The following TNFRSF19 variants were observed in gnomAD, a reference collection of about 807,000 sequenced individuals.
TNFRSF19 encodes tumor necrosis factor receptor superfamily member 19.
A neutral mutation model predicts 46.4 loss-of-function variants in TNFRSF19; 27 were observed. That is an observed-to-expected ratio of 0.58 (90% CI 0.43 to 0.80). The LOEUF (loss-of-function observed/expected upper bound fraction) is 0.80, where lower values mean the gene tolerates loss of function less well. Among genes scored for constraint, TNFRSF19 ranks in the 30% least tolerant of loss-of-function variants. TNFRSF19 has a pLI of 0.00. For missense variants in TNFRSF19, 511 were observed against 530.8 expected (o/e 0.96, Z 0.37); for synonymous variants, 204 against 205.0 (o/e 1.00, Z 0.04).
chr13:23,621,475 C>G (rs1268010627), intron 4 of TNFRSF19, among the ~76,000 whole-genome samples: 2 of 152,186 alleles, frequency 1.3e-5, no homozygotes, highest in Non-Finnish European at 1.5e-5. Flanking sequence ...CCTGACTTGA[C>G]TGTGACTCAC....
intron 4 of TNFRSF19, among the ~76,000 whole-genome samples, chr13:23,620,045 A>C (rs1222226549): frequency 6.6e-6 from 1 of 152,234 alleles, no homozygotes; most frequent in Admixed American, 6.5e-5. Flanking sequence ...GATGTTTCAC[A>C]ATTTATTTAT....
rs181304046 is a variant in TNFRSF19, at chr13:23,646,261, C to A, written c.446-12789C>A. On this transcript the variant is annotated intron_variant, in intron 5 of 9. Coordinates refer to ENST00000248484, the MANE Select transcript of TNFRSF19 (RefSeq NM_148957.4). ...CCCCCAATCACTTCCTATTAGCTTT[C>A]TTTTTAATTGTGGGAAAACATATAT... Among the ~76,000 whole-genome samples, 297 of 152,274 alleles carry A rather than the reference C, an allele frequency of 2.0e-3. 1 individual carries two copies. The highest frequency in any genetic ancestry group is 6.9e-3 in the African/African-American group (285 of 41,562).
In TNFRSF19 at chr13:23,621,311, C is replaced by T. The variant is rs551557885; in HGVS notation, c.359+5266C>T. ...CTCTTACTCTAATGATTAATCTTGT[C>T]ATTAGCATTTGTTCACCTTCAGATA... is the stretch of plus-strand genomic sequence containing the variant. On this transcript the variant is annotated intron_variant, in intron 4 of 9. Coordinates refer to ENST00000248484, the MANE Select transcript of TNFRSF19 (RefSeq NM_148957.4). Among the ~76,000 whole-genome samples, 305 of 152,308 alleles carry T rather than the reference C, an allele frequency of 2.0e-3. 9 individuals are homozygous for T. In the South Asian group the frequency reaches 0.056, roughly 28 times the overall value.
chr13:23,605,219 T>G (rs1026064415), intron 3 of TNFRSF19, among the ~76,000 whole-genome samples: 1 of 152,160 alleles, frequency 6.6e-6, no homozygotes, highest in Non-Finnish European at 1.5e-5. Context: ...ATCCTCCATA[T>G]AGTATGTCAT....
chr13:23,600,865 A>G (rs9553011), intron 3 of TNFRSF19, among the ~76,000 whole-genome samples: 38,110 of 152,008 alleles, frequency 0.25, 5,350 homozygotes, highest in African/African-American at 0.37. Context: ...CCTTCTACCC[A>G]GTGTATCATG....
chr13:23,590,382 T>A (rs1303149435), intron 2 of TNFRSF19, 130 bp downstream of exon 2: 3 of 501,504 alleles, frequency 6.0e-6, no homozygotes, highest in African/African-American at 4.1e-5. Flanking sequence ...TTGCTCAGGC[T>A]GGAGTGCAGT....
chr13:23,630,324 A>AG (rs1882277022), intron 5 of TNFRSF19, among the ~76,000 whole-genome samples: 1 of 146,966 alleles, frequency 6.8e-6, no homozygotes, highest in African/African-American at 2.5e-5. Flanking sequence ...AAAAAAAAAA[A>AG]GGGTAAAAAA....
chr13:23,668,904 G>A lies in TNFRSF19; in HGVS notation c.1052G>A (p.Ser351Asn). 6.2e-7 allele frequency: 1 copy of A among 1,614,254 alleles called. No homozygotes were observed. Among genetic ancestry groups the A allele is most frequent in the Non-Finnish European group, 8.5e-7 (1 of 1,180,048 alleles). ...AGCTCAACGTCTTTGGATTCAAATA[G>A]CAGTCAAGATTTGGTTGGTGGGGCT... is the stretch of plus-strand genomic sequence containing the variant. ...LESSTSLDSN[S>N]SQDLVGGAVP... Residue 351 changes from serine (S) to asparagine (N), a missense_variant, in exon 9 of 10, where the codon AGC (serine) becomes AAC (asparagine). Ser to Asn is a conservative substitution (Grantham distance 46). Around this residue, in one of 3 missense-constraint regions of TNFRSF19, gnomAD observed 376 missense variants for 372.7 expected, o/e 1.01. Transcript: ENST00000248484.
Position 23,668,337 on chromosome 13 carries a change from T to G in TNFRSF19, c.839+255T>G, listed in dbSNP as rs1951685040. ...TCTTATGTCTGTGATTTTTGACACC[T>G]CTGTCATCTGTAAGTAATTAACATG... On this transcript the variant is annotated intron_variant, in intron 8 of 9. Transcript: ENST00000248484. 2.0e-5 allele frequency among the ~76,000 whole-genome samples: 3 copies of G among 152,350 alleles called. No homozygotes were observed. In the South Asian group the frequency reaches 6.2e-4, roughly 32 times the overall value.
At chr13:23,654,635 C>G (rs1397022617) in intron 5 of TNFRSF19, among the ~76,000 whole-genome samples, 1 of 152,174 alleles carries the variant, frequency 6.6e-6, no homozygotes, top group African/African-American at 2.4e-5. Flanking sequence ...CAAACATGAG[C>G]TGTACTTTGG....
chr13:23,626,683 G>A (rs1882035180), intron 4 of TNFRSF19, 24 bp from the exon 5 acceptor site: 2 of 1,609,130 alleles, frequency 1.2e-6, no homozygotes, highest in African/African-American at 1.3e-5. Context: ...GAGTTAACAA[G>A]GAGTATTTTC....
chr13:23,588,962 C>A (rs943902838), intron 1 of TNFRSF19, among the ~76,000 whole-genome samples: 1 of 152,168 alleles, frequency 6.6e-6, no homozygotes, highest in Non-Finnish European at 1.5e-5. Context: ...CCGGGGCACC[C>A]GTCAGCTCAC....
chr13:23,613,630 A>G (rs1175423515), intron 3 of TNFRSF19, among the ~76,000 whole-genome samples: 1 of 152,180 alleles, frequency 6.6e-6, no homozygotes, highest in Non-Finnish European at 1.5e-5. Context: ...TGATTTTGAA[A>G]TACTCTGCTC....
intron 4 of TNFRSF19, among the ~76,000 whole-genome samples, chr13:23,619,963 T>A (rs1354291321): frequency 6.6e-6 from 1 of 152,248 alleles, no homozygotes; most frequent in Non-Finnish European, 1.5e-5. Context: ...TGCTCTAGTT[T>A]CTACAGTGTT....
intron 3 of TNFRSF19, among the ~76,000 whole-genome samples, chr13:23,603,562 C>A (rs1026651233): frequency 6.6e-6 from 1 of 151,836 alleles, no homozygotes; most frequent in African/African-American, 2.4e-5. Context: ...TACAAAAATT[C>A]TCAACAAAAT....
intron 3 of TNFRSF19, among the ~76,000 whole-genome samples, chr13:23,594,940 C>G (rs1879607397): frequency 6.6e-6 from 1 of 152,230 alleles, no homozygotes; most frequent in African/African-American, 2.4e-5. Context: ...CTTTGCTGTT[C>G]TGCAGCCTCT....
At chr13:23,617,553 C>T (rs1218653605) in intron 4 of TNFRSF19, among the ~76,000 whole-genome samples, 1 of 152,112 alleles carries the variant, frequency 6.6e-6, no homozygotes, top group East Asian at 1.9e-4. Context: ...ATCCTTAGAG[C>T]TTAATGGAGA....
At chr13:23,589,726 T>C (rs887214996) in intron 1 of TNFRSF19, among the ~76,000 whole-genome samples, 4 of 152,206 alleles carry the variant, frequency 2.6e-5, no homozygotes, top group Non-Finnish European at 5.9e-5. Context: ...ATGCTGAAAA[T>C]AGTACCTGTC....
intron 9 of TNFRSF19, 177 bp downstream of exon 9, chr13:23,669,274 A>C: frequency 7.1e-7 from 1 of 1,411,628 alleles, no homozygotes; most frequent in Non-Finnish European, 9.2e-7. Context: ...TTAAAAAACT[A>C]ACACAGCTAA....
Sources: gnomAD v4.1 joint callset for allele counts (sites outside exome capture counted in the v4.1 genomes callset) on GRCh38, gnomAD v4.1.1 for gene constraint, gnomAD v4.1.1 regional missense constraint, MANE v1.5 for transcripts, NCBI Gene and HGNC (gene_info 2026-07-23, HGNC 2026-07-21) for gene names.